CLASP2: variants seen among roughly 807,000 people sequenced by gnomAD.
CLASP2 encodes the protein CLIP-associating protein 2.
Under a neutral mutation model 194.4 loss-of-function variants are expected in CLASP2, and 47 were observed. The ratio of observed to expected loss-of-function variants is 0.24; its 90% CI spans 0.19 to 0.31. The LOEUF (loss-of-function observed/expected upper bound fraction) is 0.31, where lower values mean the gene tolerates loss of function less well. CLASP2 is among the 10% of genes least tolerant of loss of function. The pLI is 1.00. For missense variants in CLASP2, 1,445 were observed against 1,823.6 expected (o/e 0.79, Z 3.78); for synonymous variants, 619 against 633.5 (o/e 0.98, Z 0.34).
At chr3:33,567,994 T>TA (rs1347284415) in intron 26 of CLASP2, among the ~76,000 whole-genome samples, 1 of 152,184 alleles carries the variant, frequency 6.6e-6, no homozygotes, top group Non-Finnish European at 1.5e-5. Context: ...ATTATTGTCT[T>TA]ACAGATATTG....
chr3:33,584,657 TA>T (rs2066939658), intron 22 of CLASP2, 92 bp downstream of exon 22: 1 of 1,127,752 alleles, frequency 8.9e-7, no homozygotes, highest in African/African-American at 1.6e-5. Context: ...TTGTAAGTCC[TA>T]ATTGTATTCC....
In CLASP2 at chr3:33,576,223, G is replaced by A. The variant is rs755855058; in HGVS notation, c.2400C>T (p.Ala800=). The change falls in exon 24 of 39, where the codon GCC becomes GCT. Residue 800 remains alanine, a synonymous_variant. Coordinates refer to ENST00000682230, the MANE Select transcript of CLASP2 (RefSeq NM_001365631.1). ...CAGAACCTGTGTTCAGGACTCGCAT[G>A]GCACTAACAGAAGACGACAGTCGAC... is the stretch of plus-strand genomic sequence containing the variant. ...QSSRLSSSVS[A]MRVLNTGSDV... is the part of the protein sequence containing the mutation. 3.7e-6 allele frequency: 6 copies of A among 1,613,886 alleles called. No homozygotes were observed. The highest frequency in any genetic ancestry group is 4.2e-6 in the Non-Finnish European group (5 of 1,179,794).
chr3:33,543,352 G>A (rs1576194179), intron 32 of CLASP2, 81 bp downstream of exon 32: 6 of 966,682 alleles, frequency 6.2e-6, no homozygotes, highest in East Asian at 4.9e-5. Flanking sequence ...CAGCCTGGGC[G>A]ACAGAGCAAG....
intron 15 of CLASP2, 119 bp downstream of exon 15, chr3:33,607,265 A>T: frequency 1.6e-6 from 1 of 638,300 alleles, no homozygotes; most frequent in Non-Finnish European, 2.5e-6. Flanking sequence ...AAACAATCTT[A>T]ATTTTACTGG....
chr3:33,686,690 T>G (rs2090719543), intron 5 of CLASP2, among the ~76,000 whole-genome samples: 1 of 152,138 alleles, frequency 6.6e-6, no homozygotes, highest in South Asian at 2.1e-4. Flanking sequence ...GTTCTTACAA[T>G]TGCAAAATGT....
intron 4 of CLASP2, 32 bp from the exon 5 acceptor site, chr3:33,687,167 ATT>A: frequency 2.8e-6 from 4 of 1,425,716 alleles, no homozygotes; most frequent in Non-Finnish European, 3.8e-6. Flanking sequence ...AATAAAGAAA[ATT>A]TGTTTTTAAT....
intron 6 of CLASP2, among the ~76,000 whole-genome samples, chr3:33,666,905 T>C (rs2086270187): frequency 6.6e-6 from 1 of 152,254 alleles, no homozygotes; most frequent in African/African-American, 2.4e-5. Context: ...TATCAGTTTT[T>C]ATTTTCGTCA....
At chr3:33,587,708 C>G (rs573197001) in intron 21 of CLASP2, among the ~76,000 whole-genome samples, 46 of 152,148 alleles carry the variant, frequency 3.0e-4, no homozygotes, top group Non-Finnish European at 5.6e-4. Context: ...CAATTTCTTT[C>G]AGTTATAACC....
intron 8 of CLASP2, among the ~76,000 whole-genome samples, chr3:33,643,242 A>G (rs550771718): frequency 2.0e-5 from 3 of 152,076 alleles, no homozygotes; most frequent in African/African-American, 7.2e-5. Context: ...GTTATATATT[A>G]TCACCACAAA....
intron 23 of CLASP2, among the ~76,000 whole-genome samples, chr3:33,579,994 C>T (rs564076057): frequency 1.3e-5 from 2 of 152,300 alleles, no homozygotes; most frequent in South Asian, 2.1e-4. Context: ...CACATACAGA[C>T]ATTCTGCAGA....
intron 1 of CLASP2, among the ~76,000 whole-genome samples, chr3:33,709,524 T>C (rs572590390): frequency 2.4e-4 from 36 of 152,162 alleles, no homozygotes; most frequent in African/African-American, 7.0e-4. Context: ...CAGAGGAGAT[T>C]TTATGACAGA....
intron 23 of CLASP2, among the ~76,000 whole-genome samples, chr3:33,577,814 GA>G (rs2065216811): frequency 1.3e-5 from 2 of 152,138 alleles, no homozygotes; most frequent in African/African-American, 2.4e-5. Flanking sequence ...AGAGACCCCA[GA>G]AAGCTAGCTA....
intron 10 of CLASP2, among the ~76,000 whole-genome samples, chr3:33,623,896 CA>C (rs1395858162): frequency 6.6e-6 from 1 of 152,032 alleles, no homozygotes; most frequent in Non-Finnish European, 1.5e-5. Flanking sequence ...CAATACAATA[CA>C]AACCCACAGC....
chr3:33,717,966 C>T lies in CLASP2; in HGVS notation c.37G>A (p.Val13Met), dbSNP rs371081700. 3.3e-4 allele frequency: 508 copies of T among 1,542,358 alleles called. No individual in the cohort carries two copies. Among genetic ancestry groups the T allele is most frequent in the Non-Finnish European group, 3.8e-4 (434 of 1,146,036 alleles). The change falls in exon 1 of 39, where the codon GTG becomes ATG. Residue 13 changes from valine (V) to methionine (M), a missense_variant. Val to Met is a conservative substitution (Grantham distance 21). This residue lies in a region of CLASP2 where 332 missense variants were observed against 325.3 expected (regional missense o/e 1.02). Transcript: ENST00000682230. ...PRSMEYFCAQ[V>M]QQKDVGGRLQ... The stretch of plus-strand genomic sequence containing the variant: ...CGGCCGCCGACGTCCTTCTGCTGCA[C>T]CTGGGCGCAGAAGTACTCCATGCTG...
At chr3:33,606,838 G>T in intron 15 of CLASP2, 80 bp from the exon 16 acceptor site, 2 of 1,044,424 alleles carry the variant, frequency 1.9e-6, no homozygotes, top group Non-Finnish European at 2.8e-6. Flanking sequence ...GTTCAAGAAG[G>T]ATGAAGATAA....
intron 6 of CLASP2, among the ~76,000 whole-genome samples, chr3:33,672,666 C>A (rs2087579330): frequency 6.6e-6 from 1 of 152,054 alleles, no homozygotes. Context: ...GAAATTCAAA[C>A]CAAAGGCAAA....
intron 6 of CLASP2, among the ~76,000 whole-genome samples, chr3:33,677,697 TATA>T (rs932166605): frequency 1.2e-4 from 18 of 148,126 alleles, no homozygotes; most frequent in Non-Finnish European, 4.5e-5. Flanking sequence ...AAACTTAAAG[TATA>T]ATAATAATAA....
chr3:33,556,931 C>T (rs949505138), intron 29 of CLASP2, among the ~76,000 whole-genome samples: 45 of 151,938 alleles, frequency 3.0e-4, no homozygotes, highest in African/African-American at 1.1e-3. Flanking sequence ...TTCAAGTCTC[C>T]TGCAACTTAT....
In CLASP2 at chr3:33,674,763, C is replaced by T. The variant is rs1361994971; in HGVS notation, c.644+9596G>A. The stretch of plus-strand genomic sequence containing the variant: ...AAAATGATAAAGGGGATATCACCAC[C>T]GATCCCACAGAAATACAAACTACCA... On this transcript the variant is annotated intron_variant, in intron 6 of 38. Coordinates refer to ENST00000682230, the MANE Select transcript of CLASP2 (RefSeq NM_001365631.1). 1.6e-4 allele frequency among the ~76,000 whole-genome samples: 25 copies of T among 152,086 alleles called. No homozygotes were observed. In the East Asian group the frequency reaches 2.5e-3, roughly 15 times the overall value.
Sources: allele counts gnomAD v4.1 joint callset (sites outside exome capture counted in the v4.1 genomes callset), GRCh38; gene constraint gnomAD v4.1.1; regional missense constraint gnomAD v4.1.1; transcripts MANE v1.5; gene names NCBI Gene and HGNC (gene_info 2026-07-23, HGNC 2026-07-21).